Variants in SQOR observed in about 807,000 individuals in gnomAD.
The protein encoded by SQOR is sulfide quinone oxidoreductase, also known as sulfide:quinone oxidoreductase, mitochondrial.
A neutral mutation model predicts 48.6 loss-of-function variants in SQOR; 39 were observed. That is an observed-to-expected ratio of 0.80 (90% CI 0.62 to 1.05). SQOR has a LOEUF of 1.05. Among genes scored for constraint, SQOR ranks in the 50% least tolerant of loss-of-function variants. The probability of loss-of-function intolerance (pLI) is 0.00; values close to 1 mark genes in which losing one functional copy is unlikely to be tolerated. For synonymous variants in SQOR, 220 were observed against 206.2 expected (o/e 1.07, Z -0.57); for missense variants, 561 against 559.9 (o/e 1.00, Z -0.02).
chr15:45,665,809 C>T (rs941135018), intron 3 of SQOR, among the ~76,000 whole-genome samples: 3 of 152,186 alleles, frequency 2.0e-5, no homozygotes, highest in Non-Finnish European at 2.9e-5. Flanking sequence ...GTCTCAAACT[C>T]CTGACGTCAG....
intron 1 of SQOR, among the ~76,000 whole-genome samples, chr15:45,650,286 T>C (rs1227760852): frequency 1.3e-5 from 2 of 152,210 alleles, no homozygotes; most frequent in East Asian, 1.9e-4. Flanking sequence ...TTGGTCTGAC[T>C]GACTTCAAGA....
At chr15:45,670,145 C>T (rs1466278631) in intron 4 of SQOR, among the ~76,000 whole-genome samples, 164 bp downstream of exon 4, 1 of 152,216 alleles carries the variant, frequency 6.6e-6, no homozygotes, top group Admixed American at 6.5e-5. Flanking sequence ...AGGAAGTCTT[C>T]TCTAAGATTC....
At chr15:45,661,171 A>C (rs1260929533) in intron 2 of SQOR, among the ~76,000 whole-genome samples, 1 of 151,648 alleles carries the variant, frequency 6.6e-6, no homozygotes, top group East Asian at 1.9e-4. Flanking sequence ...AGTCCCAGCT[A>C]CTCAGGAGGC....
At chr15:45,634,672 C>A (rs1193981985), upstream of SQOR, 5 of 152,384 alleles carry the variant, frequency 3.3e-5, no homozygotes, top group East Asian at 9.7e-4. Context: ...CAGAGCCTCT[C>A]TGCACAGCGC....
chr15:45,659,015 A>C lies in SQOR; in HGVS notation c.92A>C (p.Gln31Pro). The C allele has an allele frequency of 6.2e-7, 1 of 1,603,578 alleles. No homozygotes were observed. The highest frequency in any genetic ancestry group is 1.1e-5 in the South Asian group (1 of 89,276). ...GGCACTCAGCAGGTCGGCCCCCTTC[A>C]GCTGCACACCGGGGCCAGCCATGCG... ...RLGTQQVGPL[Q>P]LHTGASHAAR... The change falls in exon 2 of 10, where the codon CAG becomes CCG. Residue 31 changes from glutamine (Q) to proline (P), a missense_variant. By Grantham distance (76) the Gln-to-Pro change is moderately conservative. Transcript: ENST00000260324.
At chr15:45,687,752 TC>T (rs1890248839) in intron 7 of SQOR, among the ~76,000 whole-genome samples, 1 of 152,216 alleles carries the variant, frequency 6.6e-6, no homozygotes, top group Non-Finnish European at 1.5e-5. Context: ...GTTCTGTCTG[TC>T]TGTCTGTCTA....
intron 1 of SQOR, among the ~76,000 whole-genome samples, chr15:45,642,481 C>G (rs938662761): frequency 1.3e-5 from 2 of 152,218 alleles, no homozygotes; most frequent in African/African-American, 2.4e-5. Flanking sequence ...AAACACAGCT[C>G]TGGCCTGCAC....
At chr15:45,672,194 G>A (rs1026402817) in intron 4 of SQOR, among the ~76,000 whole-genome samples, 46 of 152,038 alleles carry the variant, frequency 3.0e-4, no homozygotes, top group Admixed American at 1.3e-4. Context: ...GGTCCTGTGC[G>A]AAGACCCCCA....
chr15:45,682,482 A>T lies in SQOR; in HGVS notation c.869A>T (p.Glu290Val). 2 of 1,614,024 alleles carry T rather than the reference A, an allele frequency of 1.2e-6. No homozygotes were observed. Among genetic ancestry groups the T allele is most frequent in the Non-Finnish European group, 1.7e-6 (2 of 1,179,958 alleles). Residue 290 changes from glutamate (E) to valine (V), a missense_variant, in exon 7 of 10, where the codon GAA (glutamate) becomes GTA (valine). Coordinates refer to ENST00000260324, the MANE Select transcript of SQOR (RefSeq NM_021199.4). The stretch of plus-strand genomic sequence containing the variant: ...GGATTCTCTCTTTGTGTGTAGTATG[A>T]AATGCTTCATGTCACACCTCCAATG... ...KPGETQVISY[E>V]MLHVTPPMSP...
intron 1 of SQOR, among the ~76,000 whole-genome samples, chr15:45,657,605 G>A (rs1889634507): frequency 6.6e-6 from 1 of 152,070 alleles, no homozygotes; most frequent in African/African-American, 2.4e-5. Flanking sequence ...CTGGAATTAA[G>A]TTAATCTTAA....
chr15:45,666,199 C>T (rs1170717289), intron 3 of SQOR, among the ~76,000 whole-genome samples: 1 of 152,216 alleles, frequency 6.6e-6, no homozygotes, highest in Non-Finnish European at 1.5e-5. Flanking sequence ...TCATCTTTAG[C>T]TTCGATATGA....
At chr15:45,654,853 A>G (rs1417597910) in intron 1 of SQOR, among the ~76,000 whole-genome samples, 1 of 152,122 alleles carries the variant, frequency 6.6e-6, no homozygotes, top group Non-Finnish European at 1.5e-5. Flanking sequence ...GGGCTCACAG[A>G]TTGGTTTGAT....
chr15:45,685,371 T>A (rs764601230), intron 7 of SQOR, among the ~76,000 whole-genome samples: 1 of 152,192 alleles, frequency 6.6e-6, no homozygotes, highest in Non-Finnish European at 1.5e-5. Flanking sequence ...CAGACCCTTA[T>A]GCGATTGTGA....
At chr15:45,637,650 G>GGTCTGTGTGTGCGT (rs1566912762) in intron 1 of SQOR, among the ~76,000 whole-genome samples, 1 of 152,128 alleles carries the variant, frequency 6.6e-6, no homozygotes, top group African/African-American at 2.4e-5. Flanking sequence ...CAGGGCCCAG[G>GGTCTGTGTGTGCGT]GTCTGTGTGT....
intron 9 of SQOR, chr15:45,689,420 T>A: frequency 3.4e-6 from 1 of 290,222 alleles, no homozygotes; most frequent in African/African-American, 2.2e-5. Flanking sequence ...TACCTTACTT[T>A]TTTTTTTTTT....
intron 3 of SQOR, among the ~76,000 whole-genome samples, chr15:45,666,043 C>T (rs1889810856): frequency 6.6e-6 from 1 of 152,164 alleles, no homozygotes; most frequent in South Asian, 2.1e-4. Flanking sequence ...GTCCTTGCTC[C>T]TTCTCCAGGC....
intron 2 of SQOR, 53 bp from the exon 3 acceptor site, chr15:45,661,902 C>T (rs983409211): frequency 2.6e-6 from 4 of 1,551,090 alleles, no homozygotes; most frequent in Non-Finnish European, 3.5e-6. Context: ...TAGCTATGAC[C>T]CCTTTTGATC....
chr15:45,687,723 C>G (rs1187760822), intron 7 of SQOR, among the ~76,000 whole-genome samples: 1 of 150,946 alleles, frequency 6.6e-6, no homozygotes, highest in Non-Finnish European at 1.5e-5. Context: ...ATGTATGTAT[C>G]TATCTGTATC....
upstream of SQOR, among the ~76,000 whole-genome samples, chr15:45,633,710 A>G (rs572621000): frequency 6.4e-4 from 96 of 149,626 alleles, no homozygotes; most frequent in African/African-American, 2.3e-3. Context: ...AAAAAAAAAA[A>G]AAAGAAGAAG....
Sources: allele counts gnomAD v4.1 joint callset (sites outside exome capture counted in the v4.1 genomes callset), GRCh38; gene constraint gnomAD v4.1.1; transcripts MANE v1.5; gene names NCBI Gene and HGNC (gene_info 2026-07-23, HGNC 2026-07-21).